CNTN4: variants seen among roughly 807,000 people sequenced by gnomAD.
CNTN4 encodes contactin-4.
A neutral mutation model predicts 122.5 loss-of-function variants in CNTN4; 77 were observed. That is an observed-to-expected ratio of 0.63 (90% CI 0.52 to 0.76). CNTN4 has a LOEUF of 0.76. Among genes scored for constraint, CNTN4 ranks in the 30% least tolerant of loss-of-function variants. The pLI is 0.00. For synonymous variants in CNTN4, 512 were observed against 447.0 expected (o/e 1.15, Z -1.83); for missense variants, 1,256 against 1,259.1 (o/e 1.00, Z 0.04).
intron 2 of CNTN4, among the ~76,000 whole-genome samples, chr3:2,121,580 A>G (rs560039130): frequency 7.9e-5 from 12 of 152,256 alleles, no homozygotes; most frequent in Middle Eastern, 3.4e-3. Flanking sequence ...TTACTATAGA[A>G]CTTGTGCTGT....
intron 2 of CNTN4, among the ~76,000 whole-genome samples, chr3:2,231,503 C>A (rs2039486811): frequency 6.6e-6 from 1 of 152,168 alleles, no homozygotes; most frequent in Non-Finnish European, 1.5e-5. Flanking sequence ...CTTCTATTCT[C>A]AAGAGTTCTC....
chr3:2,976,704 C>G (rs1380106197), intron 13 of CNTN4, among the ~76,000 whole-genome samples: 1 of 152,200 alleles, frequency 6.6e-6, no homozygotes, highest in Non-Finnish European at 1.5e-5. Context: ...AACAATCTTT[C>G]TTTCTATAAT....
chr3:2,297,125 G>A (rs1193470195), intron 2 of CNTN4, among the ~76,000 whole-genome samples: 1 of 152,058 alleles, frequency 6.6e-6, no homozygotes, highest in Admixed American at 6.6e-5. Context: ...ATTCAGTTTG[G>A]GTACTTTAAA....
intron 2 of CNTN4, among the ~76,000 whole-genome samples, chr3:2,167,358 T>C: frequency 6.6e-6 from 1 of 152,160 alleles, no homozygotes; most frequent in Non-Finnish European, 1.5e-5. Context: ...AAAGGTAACG[T>C]GTAACAATAC....
At chr3:2,465,951 T>C (rs1290725088) in intron 3 of CNTN4, among the ~76,000 whole-genome samples, 1 of 152,198 alleles carries the variant, frequency 6.6e-6, no homozygotes, top group East Asian at 1.9e-4. Flanking sequence ...GAGTGTTTAA[T>C]TGACTTGATG....
intron 3 of CNTN4, among the ~76,000 whole-genome samples, chr3:2,529,695 AACTAT>A (rs766385468): frequency 0.085 from 12,954 of 152,124 alleles, 1,209 homozygotes; most frequent in East Asian, 0.48. Flanking sequence ...GCATAGGCTA[AACTAT>A]TCACACTCTG....
chr3:2,536,087 T>A (rs914155141), intron 3 of CNTN4, among the ~76,000 whole-genome samples: 2 of 152,158 alleles, frequency 1.3e-5, no homozygotes, highest in Non-Finnish European at 2.9e-5. Context: ...ATTTAAAACC[T>A]CATTTTCTTT....
chr3:2,538,378 A>G (rs1242204249), intron 3 of CNTN4, among the ~76,000 whole-genome samples: 1 of 152,112 alleles, frequency 6.6e-6, no homozygotes, highest in Non-Finnish European at 1.5e-5. Flanking sequence ...AAACTCTGGG[A>G]TTAATCCCTT....
intron 2 of CNTN4, among the ~76,000 whole-genome samples, chr3:2,323,212 G>A (rs954398201): frequency 1.3e-5 from 2 of 152,064 alleles, no homozygotes; most frequent in African/African-American, 4.8e-5. Flanking sequence ...ACAGGATGAA[G>A]TCTCCTATAG....
At chr3:2,247,959 T>C (rs990531009) in intron 2 of CNTN4, among the ~76,000 whole-genome samples, 4 of 151,970 alleles carry the variant, frequency 2.6e-5, no homozygotes, top group Admixed American at 2.6e-4. Context: ...CTTGTTTTCT[T>C]TCTCTAGAAG....
intron 3 of CNTN4, among the ~76,000 whole-genome samples, chr3:2,528,049 T>C (rs1166963645): frequency 6.6e-6 from 1 of 152,180 alleles, no homozygotes; most frequent in South Asian, 2.1e-4. Flanking sequence ...TACTTTCAAG[T>C]TGTCACTTTT....
chr3:2,882,881 C>T (rs1044989970), intron 8 of CNTN4: 14 of 397,842 alleles, frequency 3.5e-5, no homozygotes, highest in Non-Finnish European at 6.6e-5. Context: ...TACCTTAAAA[C>T]AATACTTTTG....
chr3:2,180,591 C>T (rs975675559), intron 2 of CNTN4, among the ~76,000 whole-genome samples: 6 of 152,042 alleles, frequency 3.9e-5, no homozygotes, highest in African/African-American at 1.4e-4. Context: ...AGGGTTTCTC[C>T]TGACCTTCCT....
intron 3 of CNTN4, among the ~76,000 whole-genome samples, chr3:2,532,136 T>A (rs1435538902): frequency 4.6e-5 from 7 of 152,242 alleles, no homozygotes; most frequent in African/African-American, 1.7e-4. Context: ...TATGTACTTA[T>A]AAATCTCCTG....
chr3:2,804,498 T>G (rs1387830012), intron 6 of CNTN4, among the ~76,000 whole-genome samples: 1 of 152,172 alleles, frequency 6.6e-6, no homozygotes, highest in Non-Finnish European at 1.5e-5. Flanking sequence ...GAGGATTCGA[T>G]TTTATGTATT....
At chr3:3,022,956 A>G (rs1698426929) in intron 14 of CNTN4, among the ~76,000 whole-genome samples, 1 of 152,176 alleles carries the variant, frequency 6.6e-6, no homozygotes, top group South Asian at 2.1e-4. Flanking sequence ...TATGCACGGA[A>G]CAATAGCTGA....
rs867521991 is a variant in CNTN4, at chr3:2,697,922, C to T, written c.56-38293C>T. Among the ~76,000 whole-genome samples the T allele has an allele frequency of 3.2e-4, 48 of 152,162 alleles. 1 individual carries two copies. Among genetic ancestry groups the T allele is most frequent in the African/African-American group, 1.1e-3 (46 of 41,532 alleles). ...TTTAAACTGATTGGATGAGGCCCAC[C>T]CACAGGTTCCAGGGCAATTTGCTTT... is the stretch of plus-strand genomic sequence containing the variant. On this transcript the variant is annotated intron_variant, in intron 4 of 24. Coordinates refer to ENST00000418658, the MANE Select transcript of CNTN4 (RefSeq NM_175607.3).
chr3:3,043,492 A>G (rs1700347530), intron 22 of CNTN4, 100 bp from the exon 23 acceptor site: 3 of 890,254 alleles, frequency 3.4e-6, no homozygotes, highest in East Asian at 2.6e-5. Flanking sequence ...GCAATAGCCC[A>G]TTAAATTGCC....
chr3:2,808,402 A>G (rs950341707), intron 6 of CNTN4, among the ~76,000 whole-genome samples: 1 of 152,190 alleles, frequency 6.6e-6, no homozygotes, highest in Non-Finnish European at 1.5e-5. Flanking sequence ...ATGAATTACA[A>G]CCTGCTAATT....
Sources: gnomAD v4.1 joint callset for allele counts (sites outside exome capture counted in the v4.1 genomes callset) on GRCh38, gnomAD v4.1.1 for gene constraint, MANE v1.5 for transcripts, NCBI Gene and HGNC (gene_info 2026-07-23, HGNC 2026-07-21) for gene names.